The following GALNT13 variants were observed in gnomAD, a reference collection of about 807,000 sequenced individuals.
GALNT13 encodes UDP-GalNAc:polypeptide N-acetylgalactosaminyltransferase 13.
GALNT13 carries 28 observed loss-of-function variants against 64.2 expected under a neutral mutation model. That is an observed-to-expected ratio of 0.44 (90% CI 0.32 to 0.60). GALNT13 has a LOEUF of 0.60. GALNT13 is among the 20% of genes least tolerant of loss of function. The pLI, the probability that GALNT13 is intolerant of heterozygous loss-of-function variation, is 0.05. For missense variants in GALNT13, 577 were observed against 669.8 expected (o/e 0.86, Z 1.53); for synonymous variants, 214 against 224.6 (o/e 0.95, Z 0.42).
the GALNT13 span, among the ~76,000 whole-genome samples, chr2:153,430,000 G>A: frequency 6.6e-6 from 1 of 151,996 alleles, no homozygotes; most frequent in African/African-American, 2.4e-5. Flanking sequence ...AATCTTACAG[G>A]GATTGCTTTG....
chr2:154,297,462 G>A (rs1277598405), intron 8 of GALNT13, among the ~76,000 whole-genome samples: 1 of 152,142 alleles, frequency 6.6e-6, no homozygotes, highest in Non-Finnish European at 1.5e-5. Context: ...TGATAGGACT[G>A]ATATCCTTAT....
the GALNT13 span, among the ~76,000 whole-genome samples, chr2:153,605,237 A>AATAGATAGGCTCTTTACAC: frequency 6.6e-6 from 1 of 152,122 alleles, no homozygotes; most frequent in East Asian, 1.9e-4. Flanking sequence ...AGTAGCAAGT[A>AATAGATAGGCTCTTTACAC]ATAGATAGGC....
At chr2:153,086,836 T>A in the GALNT13 span, among the ~76,000 whole-genome samples, 5 of 152,152 alleles carry the variant, frequency 3.3e-5, no homozygotes, top group African/African-American at 1.2e-4. Flanking sequence ...TGATTTTGTA[T>A]CCTGAAAGTT....
chr2:154,236,134 C>T, intron 4 of GALNT13: 3 of 1,130,584 alleles, frequency 2.7e-6, no homozygotes, highest in Non-Finnish European at 3.4e-6. Context: ...ACTTTCCCTG[C>T]TTTCGTGACA....
chr2:153,980,534 G>A (rs1195905253), intron 3 of GALNT13, among the ~76,000 whole-genome samples: 1 of 152,016 alleles, frequency 6.6e-6, no homozygotes, highest in African/African-American at 2.4e-5. Context: ...TGTTTATGAG[G>A]TGTCGCGTGG....
At chr2:153,679,300 A>C in the GALNT13 span, among the ~76,000 whole-genome samples, 1 of 152,018 alleles carries the variant, frequency 6.6e-6, no homozygotes. Context: ...TGTAATACTC[A>C]CAATGATTAT....
chr2:153,826,916 G>A, the GALNT13 span, among the ~76,000 whole-genome samples: 25 of 152,168 alleles, frequency 1.6e-4, no homozygotes, highest in Non-Finnish European at 3.1e-4. Flanking sequence ...TGATGCAGAG[G>A]TACCAGAGAG....
the GALNT13 span, among the ~76,000 whole-genome samples, chr2:153,165,609 C>T: frequency 6.6e-6 from 1 of 152,106 alleles, no homozygotes; most frequent in Non-Finnish European, 1.5e-5. Flanking sequence ...GGCTTATAAA[C>T]ACATAATATA....
At position 153,981,722 on chromosome 2, in the gene GALNT13, C is replaced by G. The variant is rs144955197; in HGVS notation, c.142+37083C>G. Among the ~76,000 whole-genome samples, 527 of 152,150 alleles carry G rather than the reference C, an allele frequency of 3.5e-3. 2 individuals carry two copies. The highest frequency in any genetic ancestry group is 6.8e-3 in the Middle Eastern group (2 of 294). ...AGTTGCTTAAATTCACAGTTTAACA[C>G]TTTGAATTTTGCTTTGTCACCTGAG... On this transcript the variant is annotated intron_variant, in intron 3 of 12. Coordinates refer to ENST00000392825, the MANE Select transcript of GALNT13 (RefSeq NM_052917.4).
rs535752742 is a variant in GALNT13 at position 154,393,892 on chromosome 2, A to C, written c.1157-2099A>C. 4.8e-4 allele frequency among the ~76,000 whole-genome samples: 73 copies of C among 150,634 alleles called. 2 individuals carry two copies. Among genetic ancestry groups the C allele is most frequent in the South Asian group, 3.6e-3 (17 of 4,730 alleles). ...AGGAGATCGAGACCATCCCGGCTAA[A>C]ACGGTGAAACCCCGTCTCTACTAAA... is the stretch of plus-strand genomic sequence containing the variant. On this transcript the variant is annotated intron_variant, in intron 9 of 12. Transcript: ENST00000392825.
At chr2:153,638,357 T>C in the GALNT13 span, among the ~76,000 whole-genome samples, 11 of 151,978 alleles carry the variant, frequency 7.2e-5, no homozygotes, top group Non-Finnish European at 7.4e-5. Context: ...ATGAAGGCAA[T>C]AGAGGAAGCA....
the GALNT13 span, among the ~76,000 whole-genome samples, chr2:153,255,563 C>G: frequency 2.0e-5 from 3 of 150,358 alleles, no homozygotes; most frequent in Admixed American, 1.3e-4. Flanking sequence ...TCTTCCTAGT[C>G]TCGATCATTA....
intron 3 of GALNT13, among the ~76,000 whole-genome samples, chr2:154,126,622 G>A (rs182681371): frequency 5.0e-4 from 72 of 144,394 alleles, no homozygotes; most frequent in Non-Finnish European, 4.0e-4. Context: ...ACGACAGAGC[G>A]AGACTCCGTC....
intron 2 of GALNT13, among the ~76,000 whole-genome samples, chr2:153,907,370 A>G (rs1688644224): frequency 6.6e-6 from 1 of 151,896 alleles, no homozygotes; most frequent in African/African-American, 2.4e-5. Context: ...ATATAATTAC[A>G]TACATAATAA....
intron 3 of GALNT13, among the ~76,000 whole-genome samples, chr2:154,056,913 G>T (rs556734054): frequency 1.1e-4 from 17 of 151,940 alleles, no homozygotes; most frequent in Non-Finnish European, 2.2e-4. Context: ...GAGTTTCTTT[G>T]ACTCAAGAAT....
chr2:153,529,412 C>T, the GALNT13 span, among the ~76,000 whole-genome samples: 2,959 of 134,066 alleles, frequency 0.022, 88 homozygotes, highest in African/African-American at 0.071. Flanking sequence ...AGATCAAAGA[C>T]GTTATAAAAA....
intron 3 of GALNT13, among the ~76,000 whole-genome samples, chr2:154,069,037 A>G (rs557626246): frequency 6.6e-6 from 1 of 152,160 alleles, no homozygotes; most frequent in East Asian, 1.9e-4. Flanking sequence ...CTCCTACTAA[A>G]TACTCAGAAA....
the GALNT13 span, among the ~76,000 whole-genome samples, chr2:153,494,560 G>A: frequency 2.8e-4 from 43 of 151,996 alleles, no homozygotes; most frequent in African/African-American, 1.0e-3. Context: ...AATACATGAG[G>A]AAAAGTGAAC....
chr2:153,848,380 C>T, the GALNT13 span, among the ~76,000 whole-genome samples: 3 of 152,114 alleles, frequency 2.0e-5, no homozygotes, highest in African/African-American at 7.2e-5. Context: ...AAGGTGTTCA[C>T]TTGGTAGTGT....
Sources: allele counts gnomAD v4.1 joint callset (sites outside exome capture counted in the v4.1 genomes callset), GRCh38; gene constraint gnomAD v4.1.1; transcripts MANE v1.5; gene names NCBI Gene and HGNC (gene_info 2026-07-23, HGNC 2026-07-21).